The following SP100 variants were observed in gnomAD, a reference collection of about 807,000 sequenced individuals.
SP100 encodes nuclear autoantigen Sp-100.
A neutral mutation model predicts 130.0 loss-of-function variants in SP100; 84 were observed. That is an observed-to-expected ratio of 0.65 (90% CI 0.54 to 0.77). The LOEUF is 0.77. SP100 is among the 30% of genes least tolerant of loss of function. SP100 has a pLI of 0.00. For synonymous variants in SP100, 331 were observed against 351.7 expected (o/e 0.94, Z 0.66); for missense variants, 978 against 1,052.2 (o/e 0.93, Z 0.97).
Position 230,539,346 on chromosome 2 carries a change from A to G in SP100, c.2174A>G (p.His725Arg), listed in dbSNP as rs771857522. 3 of 1,613,740 alleles carry G rather than the reference A, an allele frequency of 1.9e-6. No homozygotes were observed. Among genetic ancestry groups the G allele is most frequent in the East Asian group, 4.5e-5 (2 of 44,900 alleles). The change falls in exon 25 of 29, where the codon CAT (histidine) becomes CGT (arginine). Residue 725 changes from histidine (H) to arginine (R), a missense_variant. Physicochemically the swap from His to Arg is conservative, Grantham distance 29 (BLOSUM62 0). Coordinates refer to ENST00000340126, the MANE Select transcript of SP100 (RefSeq NM_001080391.2). ...FCCDTCPRSFHEHCHIPSVEA... is the reference protein window; with the variant it reads ...FCCDTCPRSFREHCHIPSVEA... ...TGCGACACTTGTCCAAGATCCTTTC[A>G]TGAGCACTGCCACATCCCATCCGTG...
chr2:230,502,641 G>A (rs1476214237), intron 19 of SP100, among the ~76,000 whole-genome samples: 1 of 152,160 alleles, frequency 6.6e-6, no homozygotes, highest in Admixed American at 6.5e-5. Flanking sequence ...TGCTTGGGAA[G>A]CAGGTAAAAT....
intron 16 of SP100, 66 bp downstream of exon 16, chr2:230,473,506 T>TGTGGGAA (rs1445941235): frequency 2.4e-5 from 22 of 932,428 alleles, no homozygotes; most frequent in Non-Finnish European, 3.7e-5. Flanking sequence ...TGGGTAGGGA[T>TGTGGGAA]GTGGGAAGTG....
intron 20 of SP100, 119 bp downstream of exon 20, chr2:230,503,229 C>A: frequency 1.6e-6 from 1 of 607,158 alleles, no homozygotes; most frequent in Non-Finnish European, 2.7e-6. Flanking sequence ...GGAGCCTTAA[C>A]GTTGACCAGC....
Position 230,541,007 on chromosome 2 carries a change from A to C in SP100, c.2331+11A>C. The C allele has an allele frequency of 1.2e-6, 2 of 1,605,240 alleles. No homozygotes were observed. The highest frequency in any genetic ancestry group is 8.5e-7 in the Non-Finnish European group (1 of 1,173,552). On this transcript the variant is annotated intron_variant, in intron 26 of 28. Transcript: ENST00000340126. Reference sequence around the variant, plus strand: ...CCTGAGGAGCAGTTGGTGAGTAAAAATGTGAACCTGAAGCCTCTTCCTTTC... The same window carrying C: ...CCTGAGGAGCAGTTGGTGAGTAAAACTGTGAACCTGAAGCCTCTTCCTTTC...
chr2:230,540,228 C>T (rs924983533), intron 25 of SP100, among the ~76,000 whole-genome samples: 8 of 152,144 alleles, frequency 5.3e-5, no homozygotes, highest in Non-Finnish European at 1.2e-4. Flanking sequence ...ACTACATGGC[C>T]AAGGGGATGC....
chr2:230,489,418 C>A (rs900741968), intron 17 of SP100, among the ~76,000 whole-genome samples: 44 of 151,818 alleles, frequency 2.9e-4, no homozygotes, highest in Admixed American at 2.8e-3. Flanking sequence ...CTCTTTTCTT[C>A]TTTATTAGTC....
chr2:230,506,440 A>T lies in SP100; in HGVS notation c.2008A>T (p.Met670Leu), dbSNP rs773052237. 21 of 1,613,776 alleles carry T rather than the reference A, an allele frequency of 1.3e-5. No homozygotes were observed. In the South Asian group the frequency reaches 2.1e-4, roughly 16 times the overall value. ...CGGTGGATATACCCTGAAAGTCCTG[A>T]TGGAGGTATTCTAGTGACAGATGGC... ...RCGGYTLKVLMENKFLPEPPS... is the reference protein window; with the variant it reads ...RCGGYTLKVLLENKFLPEPPS... The change falls in exon 22 of 29, where the codon ATG (methionine) becomes TTG (leucine). Residue 670 changes from methionine (M) to leucine (L), a missense_variant. By Grantham distance (15) the Met-to-Leu change is conservative (BLOSUM62 2). Coordinates refer to ENST00000340126, the MANE Select transcript of SP100 (RefSeq NM_001080391.2).
At chr2:230,488,244 G>A (rs1678157) in intron 17 of SP100, among the ~76,000 whole-genome samples, 24,957 of 152,108 alleles carry the variant, frequency 0.16, 2,468 homozygotes, top group Non-Finnish European at 0.23. Context: ...TGGAGAGAGA[G>A]GGCATCCTTG....
In SP100 at chr2:230,544,974, A is replaced by G. The variant is rs562447428; in HGVS notation, c.*2028A>G. 6.6e-6 allele frequency among the ~76,000 whole-genome samples: 1 copy of G among 152,316 alleles called. No individual in the cohort carries two copies. Among genetic ancestry groups the G allele is most frequent in the Non-Finnish European group, 1.5e-5 (1 of 68,026 alleles). ...TGTGGAGAAAAGGGAACATTTATAC[A>G]CTATTGATGGGAGTGTAAATTAGTT... On this transcript the variant is annotated 3_prime_UTR_variant, in exon 29 of 29. Coordinates refer to ENST00000340126, the MANE Select transcript of SP100 (RefSeq NM_001080391.2).
chr2:230,439,146 A>T (rs899225284), intron 2 of SP100, among the ~76,000 whole-genome samples: 1 of 152,094 alleles, frequency 6.6e-6, no homozygotes, highest in Non-Finnish European at 1.5e-5. Flanking sequence ...CCATTTGCAT[A>T]TCTTCTTTTG....
rs757596514 is a variant in SP100 at position 230,444,182 on chromosome 2, C to A, written c.275C>A (p.Ser92Tyr). ...DLITNKMFED[S>Y]QDSCRNLVPV... Reference sequence around the variant, plus strand: ...CTCCATTCAATATTTTTTAAGGATTCTCAAGATTCTTGTAGAAACCTGGTC... The same window carrying A: ...CTCCATTCAATATTTTTTAAGGATTATCAAGATTCTTGTAGAAACCTGGTC... The change falls in exon 4 of 29, where the codon TCT becomes TAT. Residue 92 changes from serine (S) to tyrosine (Y), a missense_variant. Coordinates refer to ENST00000340126, the MANE Select transcript of SP100 (RefSeq NM_001080391.2). The A allele has an allele frequency of 1.3e-6, 2 of 1,564,184 alleles. No individual in the cohort carries two copies. Among genetic ancestry groups the A allele is most frequent in the Admixed American group, 4.1e-5 (2 of 48,842 alleles).
At chr2:230,441,399 T>C (rs2063463281) in intron 2 of SP100, among the ~76,000 whole-genome samples, 1 of 152,192 alleles carries the variant, frequency 6.6e-6, no homozygotes, top group African/African-American at 2.4e-5. Context: ...TACATATTTA[T>C]GCAAGATAAG....
chr2:230,470,481 A>G (rs1310031111), intron 15 of SP100: 2 of 929,176 alleles, frequency 2.2e-6, no homozygotes, highest in African/African-American at 3.6e-5. Context: ...AACTGTTCCT[A>G]CTATGTAATT....
At chr2:230,483,876 T>C (rs955233586) in intron 17 of SP100, among the ~76,000 whole-genome samples, 2 of 152,216 alleles carry the variant, frequency 1.3e-5, no homozygotes, top group African/African-American at 4.8e-5. Flanking sequence ...AAGCCTCTGG[T>C]CATATTTTCC....
chr2:230,478,505 A>G (rs1340432777), intron 17 of SP100, among the ~76,000 whole-genome samples: 2 of 152,224 alleles, frequency 1.3e-5, no homozygotes, highest in African/African-American at 2.4e-5. Flanking sequence ...ACACTTCCAT[A>G]TTTTGCAAGA....
At chr2:230,456,460 G>C (rs1201411855) in intron 8 of SP100, among the ~76,000 whole-genome samples, 1 of 152,142 alleles carries the variant, frequency 6.6e-6, no homozygotes, top group Non-Finnish European at 1.5e-5. Context: ...TCTTTCACCA[G>C]ATTGGCAAAG....
chr2:230,441,661 T>C (rs1385976282), intron 2 of SP100, among the ~76,000 whole-genome samples: 1 of 150,898 alleles, frequency 6.6e-6, no homozygotes, highest in Admixed American at 6.6e-5. Context: ...CAAAATCCAG[T>C]AGCGGGCAGT....
chr2:230,471,096 C>G lies in SP100; in HGVS notation c.1429+998C>G, dbSNP rs567780942. 5.9e-5 allele frequency among the ~76,000 whole-genome samples: 9 copies of G among 152,006 alleles called. No individual in the cohort carries two copies. The South Asian group carries it at 1.9e-3, about 32-fold the overall frequency. On this transcript the variant is annotated intron_variant, in intron 15 of 28. Transcript: ENST00000340126. ...ATAATATACAAAATACCTAGAAAGACAGAAGCAAAATAGATAAACATAGAA... is the reference window on the plus strand; with the variant it reads ...ATAATATACAAAATACCTAGAAAGAGAGAAGCAAAATAGATAAACATAGAA...
intron 2 of SP100, among the ~76,000 whole-genome samples, chr2:230,430,103 G>C (rs2063053109): frequency 6.6e-6 from 1 of 152,184 alleles, no homozygotes; most frequent in African/African-American, 2.4e-5. Context: ...TTATAAGTTT[G>C]TTTCGGCAGG....
Sources: allele counts gnomAD v4.1 joint callset (sites outside exome capture counted in the v4.1 genomes callset), GRCh38; gene constraint gnomAD v4.1.1; transcripts MANE v1.5; gene names NCBI Gene and HGNC (gene_info 2026-07-23, HGNC 2026-07-21).